Variants in FLVCR1 observed in about 807,000 individuals in gnomAD.
FLVCR1 encodes the protein choline/ethanolamine transporter FLVCR1.
A neutral mutation model predicts 53.6 loss-of-function variants in FLVCR1; 34 were observed. The observed-to-expected ratio is 0.63, with a 90% CI of 0.48 to 0.84. FLVCR1 has a LOEUF of 0.84. Ranked by LOEUF, FLVCR1 falls within the 40% of genes least tolerant of loss-of-function variation. The probability of loss-of-function intolerance (pLI) is 0.00; values close to 1 mark genes in which losing one functional copy is unlikely to be tolerated. For missense variants in FLVCR1, 677 were observed against 696.7 expected (o/e 0.97, Z 0.32); for synonymous variants, 300 against 286.3 (o/e 1.05, Z -0.48).
At position 212,895,259 on chromosome 1, in the gene FLVCR1, T is replaced by C. The variant is rs1359058037; in HGVS notation, c.1637T>C (p.Met546Thr). Residue 546 changes from methionine (M) to threonine (T), a missense_variant, in exon 10 of 10, where the codon ATG becomes ACG. Coordinates refer to ENST00000366971, the MANE Select transcript of FLVCR1 (RefSeq NM_014053.4). ...SPTDQEPKTV[M>T]LSKQSESAI The stretch of plus-strand genomic sequence containing the variant: ...ACAGACCAAGAACCAAAAACGGTTA[T>C]GTTGTCCAAGCAGTCAGAATCAGCA... The C allele has an allele frequency of 5.6e-6, 9 of 1,613,586 alleles. No homozygotes were observed. The highest frequency in any genetic ancestry group is 7.6e-6 in the Non-Finnish European group (9 of 1,179,592).
chr1:212,862,609 G>T (rs922878397), intron 1 of FLVCR1, among the ~76,000 whole-genome samples: 1 of 152,086 alleles, frequency 6.6e-6, no homozygotes, highest in Non-Finnish European at 1.5e-5. Context: ...TCACCTTTTG[G>T]TTATTGTGGT....
At chr1:212,863,996 G>A in intron 2 of FLVCR1, 127 bp downstream of exon 2, 1 of 778,340 alleles carries the variant, frequency 1.3e-6, no homozygotes, top group Admixed American at 2.0e-5. Context: ...TCCATGCCCT[G>A]TCTTGCTCAG....
chr1:212,858,420 G>T lies in FLVCR1; in HGVS notation c.-33G>T, dbSNP rs1389781751. On this transcript the variant is annotated 5_prime_UTR_variant, in exon 1 of 10. Coordinates refer to ENST00000366971, the MANE Select transcript of FLVCR1 (RefSeq NM_014053.4). ...GGAGAGCGGAGTCGGGGAGTGGGGC[G>T]GGGGAGCGAGGTGGCGCCGGGGAGC... The T allele has an allele frequency of 2.8e-6, 4 of 1,426,900 alleles. No homozygotes were observed. The highest frequency in any genetic ancestry group is 2.5e-5 in the East Asian group (1 of 39,280). 88.4% of individuals were successfully genotyped at this position (1,426,900 alleles called of 1,614,324 possible).
chr1:212,865,246 A>G (rs10779589), intron 2 of FLVCR1, among the ~76,000 whole-genome samples: 65,588 of 150,214 alleles, frequency 0.44, 15,565 homozygotes, highest in East Asian at 0.53. Context: ...CGTCATTTAC[A>G]TTAGGTATAT....
At position 212,881,758 on chromosome 1, in the gene FLVCR1, A is replaced by G. The variant is rs80246914; in HGVS notation, c.1025-1613A>G. On this transcript the variant is annotated intron_variant, in intron 3 of 9. Coordinates refer to ENST00000366971, the MANE Select transcript of FLVCR1 (RefSeq NM_014053.4). ...TTTTCTAGGAAGACATTATTGAAAA[A>G]GGGAAAAGACAGGACTTAGACTATG... is the stretch of plus-strand genomic sequence containing the variant. Among the ~76,000 whole-genome samples, 554 of 152,350 alleles carry G rather than the reference A, an allele frequency of 3.6e-3. 2 individuals carry two copies. Among genetic ancestry groups the G allele is most frequent in the African/African-American group, 0.012 (508 of 41,588 alleles).
intron 3 of FLVCR1, among the ~76,000 whole-genome samples, chr1:212,879,883 A>G (rs936311659): frequency 3.1e-4 from 47 of 151,788 alleles, no homozygotes; most frequent in African/African-American, 1.1e-3. Flanking sequence ...AGGTTGCACT[A>G]TTTGGAGAAA....
chr1:212,859,269 T>A, intron 1 of FLVCR1, 79 bp downstream of exon 1: 2 of 1,600,560 alleles, frequency 1.2e-6, no homozygotes, highest in Non-Finnish European at 1.7e-6. Context: ...CTATGGCCTG[T>A]ATGGATGAAC....
At chr1:212,859,235 G>A (rs757745569) in intron 1 of FLVCR1, 45 bp downstream of exon 1, 1 of 1,613,538 alleles carries the variant, frequency 6.2e-7, no homozygotes, top group Non-Finnish European at 8.5e-7. Context: ...TTAAAAGACC[G>A]GAAAAAGTCA....
intron 8 of FLVCR1, among the ~76,000 whole-genome samples, chr1:212,893,454 T>C (rs971134988): frequency 3.3e-5 from 5 of 152,192 alleles, no homozygotes; most frequent in African/African-American, 4.8e-5. Flanking sequence ...GGATTTAGAA[T>C]ATTATATAAA....
In FLVCR1 at chr1:212,895,060, A is replaced by G. The variant is rs200939353; in HGVS notation, c.1593+7A>G. 3.3e-6 allele frequency: 5 copies of G among 1,515,242 alleles called. No homozygotes were observed. In the African/African-American group the frequency reaches 5.5e-5, roughly 17 times the overall value. The allele number at this position is 1,515,242 out of a possible 1,614,324, so 93.9% of individuals were successfully genotyped here. On this transcript the variant is annotated splice_region_variant and intron_variant, in intron 9 of 9. Transcript: ENST00000366971. ...AAATGTTGATGTTAAAGCTGTAAGT[A>G]ATATTTTTATGATTATACTGTTGAG...
At chr1:212,860,625 T>A (rs1215792231) in intron 1 of FLVCR1, among the ~76,000 whole-genome samples, 1 of 152,170 alleles carries the variant, frequency 6.6e-6, no homozygotes, top group Non-Finnish European at 1.5e-5. Context: ...ATAGCACTCA[T>A]CCCTGTCTCA....
chr1:212,879,487 C>A (rs1334337894), intron 3 of FLVCR1, among the ~76,000 whole-genome samples: 1 of 152,128 alleles, frequency 6.6e-6, no homozygotes, highest in Non-Finnish European at 1.5e-5. Context: ...ATCATATATG[C>A]AGTGTCCCAA....
intron 1 of FLVCR1, among the ~76,000 whole-genome samples, chr1:212,862,220 G>A (rs1024143619): frequency 1.3e-5 from 2 of 152,090 alleles, no homozygotes; most frequent in African/African-American, 4.8e-5. Flanking sequence ...CAATTCAGTG[G>A]CGTTTAGTAC....
At chr1:212,860,701 T>G (rs1330441570) in intron 1 of FLVCR1, among the ~76,000 whole-genome samples, 1 of 152,148 alleles carries the variant, frequency 6.6e-6, no homozygotes, top group East Asian at 1.9e-4. Flanking sequence ...CACCATTAGA[T>G]TGTAAGTTTC....
At chr1:212,878,570 A>T (rs1664834533) in intron 3 of FLVCR1, among the ~76,000 whole-genome samples, 1 of 151,912 alleles carries the variant, frequency 6.6e-6, no homozygotes, top group South Asian at 2.1e-4. Context: ...GAGAACCTAG[A>T]GACAACTATT....
chr1:212,894,201 A>C (rs769768084), intron 8 of FLVCR1, among the ~76,000 whole-genome samples: 4 of 151,960 alleles, frequency 2.6e-5, no homozygotes, highest in Non-Finnish European at 5.9e-5. Flanking sequence ...AAACCAAAAA[A>C]TATGTGCAGT....
chr1:212,860,350 G>GTTTTTTTTTTTTTTTTTT lies in FLVCR1; in HGVS notation c.738+1161_738+1178dup, dbSNP rs567270153. ...TATTATAAAGTTTTTTGTGTGTGTG[G>GTTTTTTTTTTTTTTTTTT]TTTTTTTTTTTTTTTTTTGTAGAAA... On this transcript the variant is annotated intron_variant, in intron 1 of 9. Coordinates refer to ENST00000366971, the MANE Select transcript of FLVCR1 (RefSeq NM_014053.4). Among the ~76,000 whole-genome samples, 257 of 85,822 alleles carry GTTTTTTTTTTTTTTTTTT rather than the reference G, an allele frequency of 3.0e-3. 36 individuals carry two copies. The highest frequency in any genetic ancestry group is 6.8e-3 in the Middle Eastern group (1 of 148). 56.3% of individuals were successfully genotyped at this position (85,822 alleles called of 152,430 possible).
rs2102578580 is a variant in FLVCR1 at position 212,896,286 on chromosome 1, T to C, written c.*996T>C. ...ATAATAACTTCAGATAGCCTACATG[T>C]CCCCATTTAGTGGAGACCTCTTGAA... On this transcript the variant is annotated 3_prime_UTR_variant, in exon 10 of 10. Coordinates refer to ENST00000366971, the MANE Select transcript of FLVCR1 (RefSeq NM_014053.4). The C allele has an allele frequency of 6.6e-6, 1 of 152,308 alleles. No homozygotes were observed. Among genetic ancestry groups the C allele is most frequent in the East Asian group, 1.9e-4 (1 of 5,182 alleles). The allele number at this position is 152,308 out of a possible 1,614,324, so 9.4% of individuals were successfully genotyped here. A position where few individuals can be genotyped will look rare whatever the true frequency, so the allele number is the denominator to read the frequency against.
rs1017115936 is a variant in FLVCR1, at chr1:212,859,886, T to A, written c.738+696T>A. Among the ~76,000 whole-genome samples the A allele has an allele frequency of 2.0e-5, 3 of 152,198 alleles. No individual in the cohort carries two copies. The East Asian group carries it at 5.8e-4, about 29-fold the overall frequency. On this transcript the variant is annotated intron_variant, in intron 1 of 9. Coordinates refer to ENST00000366971, the MANE Select transcript of FLVCR1 (RefSeq NM_014053.4). The stretch of plus-strand genomic sequence containing the variant: ...GGAAGGTATTGGGTTCTGGGAAGAT[T>A]GTTTCCATTTTGAGAGGTCATTGTG...
Sources: gnomAD v4.1 joint callset for allele counts (sites outside exome capture counted in the v4.1 genomes callset) on GRCh38, gnomAD v4.1.1 for gene constraint, MANE v1.5 for transcripts, NCBI Gene and HGNC (gene_info 2026-07-23, HGNC 2026-07-21) for gene names.